Variants in RNF6 observed in about 807,000 individuals in gnomAD.
RNF6 encodes E3 ubiquitin-protein ligase RNF6.
Under a neutral mutation model 50.1 loss-of-function variants are expected in RNF6, and 21 were observed. The ratio of observed to expected loss-of-function variants is 0.42; its 90% CI spans 0.30 to 0.60. The LOEUF (loss-of-function observed/expected upper bound fraction) is 0.60, where lower values mean the gene tolerates loss of function less well. RNF6 is among the 20% of genes least tolerant of loss of function. The pLI, the probability that RNF6 is intolerant of heterozygous loss-of-function variation, is 0.20. For synonymous variants in RNF6, 255 were observed against 291.8 expected (o/e 0.87, Z 1.29); for missense variants, 698 against 838.2 (o/e 0.83, Z 2.07).
At chr13:26,206,370 T>A (rs1246326688) in intron 5 of RNF6, among the ~76,000 whole-genome samples, 1 of 152,196 alleles carries the variant, frequency 6.6e-6, no homozygotes, top group Non-Finnish European at 1.5e-5. Context: ...GCAGACAGTG[T>A]CTGCAGCAGG....
chr13:26,181,327 T>C (rs12427602), intron 5 of RNF6, among the ~76,000 whole-genome samples: 57,177 of 152,078 alleles, frequency 0.38, 11,856 homozygotes, highest in East Asian at 0.7. Context: ...AACACCAAGA[T>C]TGGGATGCCA....
At chr13:26,166,582 C>T (rs1175278405) in intron 5 of RNF6, among the ~76,000 whole-genome samples, 2 of 152,174 alleles carry the variant, frequency 1.3e-5, no homozygotes, top group African/African-American at 4.8e-5. Flanking sequence ...AGAGGCAAAT[C>T]AGGAATGCAA....
At chr13:26,169,664 C>T (rs1005063779) in intron 5 of RNF6, among the ~76,000 whole-genome samples, 8 of 152,182 alleles carry the variant, frequency 5.3e-5, no homozygotes, top group East Asian at 1.9e-4. Context: ...CTCTTATAAA[C>T]GTAACCACCA....
At chr13:26,198,956 C>T (rs1421716480) in intron 5 of RNF6, among the ~76,000 whole-genome samples, 1 of 151,806 alleles carries the variant, frequency 6.6e-6, no homozygotes, top group Non-Finnish European at 1.5e-5. Flanking sequence ...AAATACAAAT[C>T]ACTGCTTAGA....
At chr13:26,135,485 G>C (rs1244080223) in intron 5 of RNF6, 2 of 152,018 alleles carry the variant, frequency 1.3e-5, no homozygotes, top group African/African-American at 4.8e-5. Flanking sequence ...GACATTGTGG[G>C]CCCAGATGTA....
chr13:26,191,950 G>A (rs1037516941), intron 5 of RNF6, among the ~76,000 whole-genome samples: 2 of 152,304 alleles, frequency 1.3e-5, no homozygotes, highest in Non-Finnish European at 2.9e-5. Flanking sequence ...CAGTAATGGA[G>A]GGAGGATTTT....
At chr13:26,189,066 C>T (rs531267850) in intron 5 of RNF6, among the ~76,000 whole-genome samples, 21 of 152,240 alleles carry the variant, frequency 1.4e-4, no homozygotes, top group African/African-American at 4.6e-4. Flanking sequence ...TGGTGGCTAA[C>T]GCCCGTAATC....
At position 26,215,182 on chromosome 13, in the gene RNF6, T is replaced by G. The variant is rs1869736658; in HGVS notation, c.700A>C (p.Arg234=). 3 of 1,614,100 alleles carry G rather than the reference T, an allele frequency of 1.9e-6. No individual in the cohort carries two copies. Among genetic ancestry groups the G allele is most frequent in the Admixed American group, 3.3e-5 (2 of 60,000 alleles). ...PAEGSFSTLG[R]LRNGIGGAAG... ...GCTCCCCCAATTCCATTTCTTAACCTTCCCAATGTTGAGAAAGATCCTTCA... is the reference window on the plus strand; with the variant it reads ...GCTCCCCCAATTCCATTTCTTAACCGTCCCAATGTTGAGAAAGATCCTTCA... Residue 234 remains arginine, a synonymous_variant, in exon 5 of 5, where the codon AGG becomes CGG. Coordinates refer to ENST00000381588, the MANE Select transcript of RNF6 (RefSeq NM_005977.4).
chr13:26,205,057 T>TG (rs1421081678), intron 5 of RNF6, among the ~76,000 whole-genome samples: 2 of 152,172 alleles, frequency 1.3e-5, no homozygotes, highest in Non-Finnish European at 2.9e-5. Flanking sequence ...CGTGATAAAT[T>TG]GGCCCAAACT....
chr13:26,145,791 G>A (rs552776292), intron 5 of RNF6, among the ~76,000 whole-genome samples: 3 of 152,196 alleles, frequency 2.0e-5, no homozygotes, highest in Non-Finnish European at 2.9e-5. Context: ...ATTGCTTTTG[G>A]TTTACTATTT....
intron 5 of RNF6, among the ~76,000 whole-genome samples, chr13:26,205,803 C>A (rs1024372300): frequency 6.6e-6 from 1 of 152,134 alleles, no homozygotes; most frequent in Non-Finnish European, 1.5e-5. Flanking sequence ...CGCTTGAGTC[C>A]AGGAGTTTGA....
chr13:26,193,848 GAA>G (rs1435451635), intron 5 of RNF6, among the ~76,000 whole-genome samples: 2 of 152,240 alleles, frequency 1.3e-5, no homozygotes, highest in Non-Finnish European at 2.9e-5. Flanking sequence ...CAATATGTGA[GAA>G]AAGAGCATGC....
Position 26,148,098 on chromosome 13 carries a change from C to T in RNF6, n.769-15647G>A, listed in dbSNP as rs374127374. 7.2e-5 allele frequency among the ~76,000 whole-genome samples: 11 copies of T among 152,162 alleles called. No homozygotes were observed. The East Asian group carries it at 1.7e-3, about 24-fold the overall frequency. On this transcript the variant is annotated intron_variant and non_coding_transcript_variant, in intron 5 of 5. Coordinates refer to the RNF6 transcript ENST00000468480. The stretch of plus-strand genomic sequence containing the variant: ...GGAAACTTACAACCATGACATAAGG[C>T]GAAGGAGAAGCAAGCACCTTCTTCA...
At chr13:26,175,331 T>G (rs1872903420) in intron 5 of RNF6, among the ~76,000 whole-genome samples, 1 of 152,176 alleles carries the variant, frequency 6.6e-6, no homozygotes, top group African/African-American at 2.4e-5. Context: ...TCTGCCTGCC[T>G]CGGGCCCCCA....
At chr13:26,181,092 T>C (rs56107121) in intron 5 of RNF6, among the ~76,000 whole-genome samples, 57,039 of 151,922 alleles carry the variant, frequency 0.38, 11,825 homozygotes, top group East Asian at 0.7. Flanking sequence ...AGCCTTCCAG[T>C]CTAGGAAGGG....
intron 4 of RNF6, among the ~76,000 whole-genome samples, chr13:26,218,257 G>C (rs1466159366): frequency 6.6e-6 from 1 of 152,154 alleles, no homozygotes; most frequent in Non-Finnish European, 1.5e-5. Context: ...AGCATGCTGG[G>C]AATTAACTTA....
Position 26,214,198 on chromosome 13 carries a change from T to C in RNF6, c.1684A>G (p.Asn562Asp). The change falls in exon 5 of 5, where the codon AAC becomes GAC. Residue 562 changes from asparagine to aspartate, a missense_variant. By Grantham distance (23) the Asn-to-Asp change is conservative (BLOSUM62 1). Transcript: ENST00000381588. Reference protein sequence around the residue: ...ENETTQPHTRNSDSRGGRQLR... With the variant: ...ENETTQPHTRDSDSRGGRQLR... ...TGCCTGCCACCCCTACTGTCACTGT[T>C]TCGAGTATGAGGCTGGGTGGTCTCG... 1 of 1,614,216 alleles carries C rather than the reference T, an allele frequency of 6.2e-7. No individual in the cohort carries two copies. Among genetic ancestry groups the C allele is most frequent in the Non-Finnish European group, 8.5e-7 (1 of 1,180,038 alleles).
intron 5 of RNF6, among the ~76,000 whole-genome samples, chr13:26,167,494 A>G: frequency 6.6e-6 from 1 of 152,204 alleles, no homozygotes; most frequent in East Asian, 1.9e-4. Context: ...TCAAAACCAT[A>G]ACGAGATACC....
chr13:26,149,608 A>G (rs1871447796), intron 5 of RNF6, among the ~76,000 whole-genome samples: 2 of 151,676 alleles, frequency 1.3e-5, no homozygotes, highest in African/African-American at 4.8e-5. Flanking sequence ...GAAAGAAAAA[A>G]AGAATAGAGG....
Sources: gnomAD v4.1 joint callset for allele counts (sites outside exome capture counted in the v4.1 genomes callset) on GRCh38, gnomAD v4.1.1 for gene constraint, MANE v1.5 for transcripts, NCBI Gene and HGNC (gene_info 2026-07-23, HGNC 2026-07-21) for gene names.